ABHD5: variants seen among roughly 807,000 people sequenced by gnomAD.
The protein encoded by ABHD5 is abhydrolase domain containing 5, lysophosphatidic acid acyltransferase, also known as 1-acylglycerol-3-phosphate O-acyltransferase ABHD5.
In ABHD5, 30 loss-of-function variants were observed where a neutral mutation model predicts 44.9. The observed-to-expected ratio is 0.67, with a 90% CI of 0.50 to 0.91. The LOEUF is 0.91. Among genes scored for constraint, ABHD5 ranks in the 40% least tolerant of loss-of-function variants. The probability of loss-of-function intolerance (pLI) is 0.00; values close to 1 mark genes in which losing one functional copy is unlikely to be tolerated. For missense variants in ABHD5, 399 were observed against 423.4 expected, an observed-to-expected ratio of 0.94 and a Z score of 0.50; for synonymous variants, 167 against 147.0, an observed-to-expected ratio of 1.14 and a Z score of -0.99.
At chr3:43,710,991 C>T (rs1410098073) in intron 3 of ABHD5, among the ~76,000 whole-genome samples, 1 of 152,080 alleles carries the variant, frequency 6.6e-6, no homozygotes, top group Non-Finnish European at 1.5e-5. Context: ...ATATGAAGTT[C>T]TACTGAATAT....
chr3:43,696,439 A>G (rs1483085415), intron 1 of ABHD5, among the ~76,000 whole-genome samples: 3 of 152,208 alleles, frequency 2.0e-5, no homozygotes, highest in African/African-American at 4.8e-5. Context: ...CCAGTCTTCT[A>G]TATACTAAAC....
rs754772724 is a variant in ABHD5 at position 43,718,507 on chromosome 3, A to G, written c.1025A>G (p.Lys342Arg). The change falls in exon 7 of 7, where the codon AAG (lysine) becomes AGG (arginine). Residue 342 changes from lysine to arginine, a missense_variant. Lys to Arg is a conservative substitution (Grantham distance 26). Transcript: ENST00000644371. ...CCAGAAGAATTCAACCAGAAAGTAA[A>G]GGAGATCTGCGACACTGTGGACTGA... ...DQPEEFNQKV[K>R]EICDTVD is the part of the protein sequence containing the mutation. 1.0e-4 allele frequency: 166 copies of G among 1,614,044 alleles called. No individual in the cohort carries two copies. Among genetic ancestry groups the G allele is most frequent in the Non-Finnish European group, 1.4e-4 (161 of 1,180,014 alleles).
chr3:43,703,594 T>C (rs2084576447), intron 3 of ABHD5, among the ~76,000 whole-genome samples: 1 of 152,238 alleles, frequency 6.6e-6, no homozygotes, highest in Non-Finnish European at 1.5e-5. Flanking sequence ...TGATCATCTT[T>C]TGGAAAGAAA....
At chr3:43,703,548 G>C (rs1004491962) in intron 3 of ABHD5, among the ~76,000 whole-genome samples, 2 of 152,114 alleles carry the variant, frequency 1.3e-5, no homozygotes, top group Non-Finnish European at 2.9e-5. Flanking sequence ...TCACATTTAA[G>C]TGCTAAGAAA....
At chr3:43,733,225 C>G (rs1697270071) in intron 7 of ABHD5, among the ~76,000 whole-genome samples, 1 of 152,164 alleles carries the variant, frequency 6.6e-6, no homozygotes, top group African/African-American at 2.4e-5. Flanking sequence ...TGTCTTAGAG[C>G]TTACTCACTA....
intron 6 of ABHD5, 61 bp from the exon 7 acceptor site, chr3:43,718,382 A>G (rs924546499): frequency 1.5e-6 from 2 of 1,362,344 alleles, no homozygotes; most frequent in African/African-American, 1.4e-5. Context: ...TTGCTTATAT[A>G]TCATTCTGTT....
chr3:43,700,452 T>A (rs1010086972), intron 2 of ABHD5, among the ~76,000 whole-genome samples: 1 of 152,226 alleles, frequency 6.6e-6, no homozygotes. Flanking sequence ...TGCAGATGTT[T>A]GTACATGCCT....
chr3:43,718,327 G>A, intron 6 of ABHD5, 116 bp from the exon 7 acceptor site: 6 of 852,868 alleles, frequency 7.0e-6, no homozygotes, highest in Non-Finnish European at 8.2e-6. Flanking sequence ...TTAATCACGT[G>A]TTTTATTTAA....
rs1258252681 is a variant in ABHD5 at position 43,722,663 on chromosome 3, C to A, written c.*4131C>A. ...GTGACTTGAAAACTTAGTATTTTGT[C>A]TGTACTTTGCTAATGGAATATATCC... On this transcript the variant is annotated 3_prime_UTR_variant, in exon 7 of 7. Coordinates refer to ENST00000644371, the MANE Select transcript of ABHD5 (RefSeq NM_016006.6). 6.6e-6 allele frequency: 1 copy of A among 152,162 alleles called. No individual in the cohort carries two copies. Among genetic ancestry groups the A allele is most frequent in the Non-Finnish European group, 1.5e-5 (1 of 68,022 alleles). The allele number at this position is 152,162 out of a possible 1,614,324, so 9.4% of individuals were successfully genotyped here.
At chr3:43,716,347 T>G (rs2084762529) in intron 5 of ABHD5, among the ~76,000 whole-genome samples, 1 of 152,168 alleles carries the variant, frequency 6.6e-6, no homozygotes, top group Non-Finnish European at 1.5e-5. Context: ...ACTCTGGTGA[T>G]TCTGTATAGG....
intron 1 of ABHD5, among the ~76,000 whole-genome samples, chr3:43,695,495 T>C (rs192789316): frequency 1.1e-4 from 17 of 152,328 alleles, no homozygotes; most frequent in African/African-American, 4.1e-4. Context: ...AAAATTTTAA[T>C]ATAATGAAAT....
intron 4 of ABHD5, among the ~76,000 whole-genome samples, chr3:43,714,324 A>G (rs967280838): frequency 2.6e-5 from 4 of 151,652 alleles, no homozygotes; most frequent in Non-Finnish European, 5.9e-5. Context: ...TAGTAGAGAC[A>G]GGGTTTCACC....
At chr3:43,715,469 T>G (rs1159366282) in intron 5 of ABHD5, among the ~76,000 whole-genome samples, 1 of 152,178 alleles carries the variant, frequency 6.6e-6, no homozygotes, top group Non-Finnish European at 1.5e-5. Flanking sequence ...GGCCTTTGTT[T>G]AAAATATATC....
intron 2 of ABHD5, chr3:43,701,796 C>G (rs1322917389): frequency 6.4e-6 from 1 of 157,056 alleles, no homozygotes; most frequent in Non-Finnish European, 1.4e-5. Flanking sequence ...CAAAGTTAAC[C>G]AAAGAATACC....
At position 43,699,268 on chromosome 3, in the gene ABHD5, T is replaced by G; in HGVS notation, c.48-8T>G. Reference sequence around the variant, plus strand: ...CACCTATTTGTTATTTTGTTTTTGGTGCTCTAGGTCAGGATGGCTAACTGG... The same window carrying G: ...CACCTATTTGTTATTTTGTTTTTGGGGCTCTAGGTCAGGATGGCTAACTGG... On this transcript the variant is annotated splice_polypyrimidine_tract_variant and splice_region_variant and intron_variant, in intron 1 of 6. Coordinates refer to ENST00000644371, the MANE Select transcript of ABHD5 (RefSeq NM_016006.6). 2 of 1,612,844 alleles carry G rather than the reference T, an allele frequency of 1.2e-6. No individual in the cohort carries two copies. Among genetic ancestry groups the G allele is most frequent in the Non-Finnish European group, 8.5e-7 (1 of 1,178,832 alleles).
intron 2 of ABHD5, chr3:43,701,962 T>C (rs2084547104): frequency 4.8e-6 from 2 of 420,214 alleles, no homozygotes; most frequent in African/African-American, 4.0e-5. Context: ...GAAGGTAATA[T>C]GACTTGCCAA....
chr3:43,706,208 G>A (rs887590378), intron 3 of ABHD5, among the ~76,000 whole-genome samples: 3 of 152,108 alleles, frequency 2.0e-5, no homozygotes, highest in Non-Finnish European at 2.9e-5. Flanking sequence ...AGAGCAGTCC[G>A]CTTGGTATCA....
chr3:43,695,400 G>A (rs115840164), intron 1 of ABHD5, among the ~76,000 whole-genome samples: 13,084 of 152,108 alleles, frequency 0.086, 768 homozygotes, highest in South Asian at 0.21. Context: ...GAGATAGAGA[G>A]CTGTGCTTAG....
chr3:43,717,936 C>A, intron 6 of ABHD5, 79 bp downstream of exon 6: 2 of 1,575,874 alleles, frequency 1.3e-6, no homozygotes, highest in South Asian at 2.2e-5. Context: ...GGTTTTAGGT[C>A]ATCCTCGTGT....
Sources: allele counts gnomAD v4.1 joint callset (sites outside exome capture counted in the v4.1 genomes callset), GRCh38; gene constraint gnomAD v4.1.1; transcripts MANE v1.5; gene names NCBI Gene and HGNC (gene_info 2026-07-23, HGNC 2026-07-21).